Variants in GBF1 observed in about 807,000 individuals in gnomAD.
GBF1 encodes the protein golgi brefeldin A resistant guanine nucleotide exchange factor 1.
GBF1 carries 114 observed loss-of-function variants against 210.5 expected under a neutral mutation model. That is an observed-to-expected ratio of 0.54 (90% CI 0.47 to 0.63). The LOEUF is 0.63. GBF1 is among the 30% of genes least tolerant of loss of function. GBF1 has a pLI of 0.00. For missense variants in GBF1, 1,851 were observed against 2,357.7 expected (o/e 0.79, Z 4.45); for synonymous variants, 850 against 889.2 (o/e 0.96, Z 0.78).
intron 3 of GBF1, among the ~76,000 whole-genome samples, chr10:102,311,945 C>A (rs941257633): frequency 3.3e-5 from 5 of 152,158 alleles, no homozygotes; most frequent in Admixed American, 6.5e-5. Flanking sequence ...TGAGTAGGCC[C>A]CACTTTTAAA....
intron 4 of GBF1, among the ~76,000 whole-genome samples, chr10:102,348,157 G>A (rs1056058634): frequency 2.6e-5 from 4 of 152,024 alleles, no homozygotes; most frequent in Admixed American, 6.6e-5. Flanking sequence ...GGCTGGTCTC[G>A]AACTCCTGAG....
chr10:102,314,862 C>A (rs2078798363), intron 3 of GBF1, among the ~76,000 whole-genome samples: 2 of 152,168 alleles, frequency 1.3e-5, no homozygotes, highest in African/African-American at 4.8e-5. Context: ...TTTAATCAGG[C>A]AAGTCTGACA....
rs2059733010 is a variant in GBF1 at position 102,363,543 on chromosome 10, A to G, written c.2017+147A>G. The G allele has an allele frequency of 2.3e-6, 2 of 870,342 alleles. No individual in the cohort carries two copies. Among genetic ancestry groups the G allele is most frequent in the Non-Finnish European group, 3.7e-6 (2 of 540,902 alleles). 53.9% of individuals were successfully genotyped at this position (870,342 alleles called of 1,614,324 possible). The stretch of plus-strand genomic sequence containing the variant: ...GACTCAGAGAGAGGGAAGCAAACAT[A>G]TGGACCCTCAGTTGATAGGACTTCC... On this transcript the variant is annotated intron_variant, in intron 16 of 39. Transcript: ENST00000369983. The surrounding 1 kb of genome is among the most constrained non-coding windows in gnomAD (Gnocchi z 4.2).
intron 3 of GBF1, among the ~76,000 whole-genome samples, chr10:102,340,923 C>G (rs896232276): frequency 7.9e-5 from 12 of 152,214 alleles, no homozygotes; most frequent in African/African-American, 2.9e-4. Context: ...TCAATTTAGA[C>G]ATTAAACCAA....
At chr10:102,273,699 C>T (rs1157519223) in intron 3 of GBF1, among the ~76,000 whole-genome samples, 2 of 152,280 alleles carry the variant, frequency 1.3e-5, no homozygotes, top group South Asian at 2.1e-4. Flanking sequence ...GATTCTTCAT[C>T]CCTATCAACT....
intron 11 of GBF1, among the ~76,000 whole-genome samples, chr10:102,359,793 T>TC (rs397972340): frequency 1.3e-5 from 2 of 151,058 alleles, no homozygotes; most frequent in Non-Finnish European, 3.0e-5. Context: ...TTTTTTTTTT[T>TC]CCTGTCGCCC....
At chr10:102,336,986 A>G (rs1435028500) in intron 3 of GBF1, among the ~76,000 whole-genome samples, 3 of 152,186 alleles carry the variant, frequency 2.0e-5, no homozygotes, top group South Asian at 2.1e-4. Context: ...TTTTATAACA[A>G]TGTGACAGTA....
At chr10:102,263,607 C>T (rs1388453355) in intron 3 of GBF1, among the ~76,000 whole-genome samples, 6 of 152,110 alleles carry the variant, frequency 3.9e-5, no homozygotes, top group African/African-American at 1.4e-4. Context: ...ACCTACACTA[C>T]TCCTCCAGGA....
At chr10:102,298,228 C>T (rs958453337) in intron 3 of GBF1, among the ~76,000 whole-genome samples, 26 of 151,958 alleles carry the variant, frequency 1.7e-4, no homozygotes, top group African/African-American at 5.3e-4. Flanking sequence ...CCACCATGCC[C>T]GGCCGAAACT....
intron 3 of GBF1, among the ~76,000 whole-genome samples, chr10:102,290,422 A>T (rs114963842): frequency 0.01 from 1,565 of 152,188 alleles, 23 homozygotes; most frequent in African/African-American, 0.036. Context: ...TCCTTTTTAA[A>T]TTTTGATTCA....
At chr10:102,362,033 G>T in intron 14 of GBF1, 121 bp downstream of exon 14, 3 of 442,640 alleles carry the variant, frequency 6.8e-6, no homozygotes, top group Non-Finnish European at 7.8e-6. Flanking sequence ...TAGAAGAAAG[G>T]CATTTTCTTT....
At chr10:102,367,362 G>A in intron 20 of GBF1, 116 bp from the exon 21 acceptor site, 4 of 1,134,552 alleles carry the variant, frequency 3.5e-6, no homozygotes, top group Non-Finnish European at 5.3e-6. Context: ...CTGGGGTGGG[G>A]AAGTGGGTTT....
At chr10:102,249,773 C>T (rs1304661974) in intron 1 of GBF1, among the ~76,000 whole-genome samples, 2 of 151,302 alleles carry the variant, frequency 1.3e-5, no homozygotes, top group Admixed American at 1.3e-4. Context: ...CTCACTGCAA[C>T]CTCCGCCTCC....
chr10:102,259,874 G>A (rs570334237), intron 2 of GBF1, among the ~76,000 whole-genome samples, 176 bp from the exon 3 acceptor site: 73 of 152,230 alleles, frequency 4.8e-4, no homozygotes, highest in Non-Finnish European at 7.9e-4. Context: ...GTATCTCTAC[G>A]AAATAAGAGA....
chr10:102,371,853 C>G (rs2060222914), intron 29 of GBF1, among the ~76,000 whole-genome samples: 1 of 148,700 alleles, frequency 6.7e-6, no homozygotes, highest in Non-Finnish European at 1.5e-5. Context: ...CGCTTGAACT[C>G]AAGGCGGAGG....
Position 102,368,562 on chromosome 10 carries a change from C to A in GBF1, c.2879+108C>A, listed in dbSNP as rs547307152. 2.7e-5 allele frequency: 23 copies of A among 851,000 alleles called. No individual in the cohort carries two copies. In the East Asian group the frequency reaches 5.1e-4, roughly 19 times the overall value. 52.7% of individuals were successfully genotyped at this position (851,000 alleles called of 1,614,324 possible). On this transcript the variant is annotated intron_variant, in intron 22 of 39. Transcript: ENST00000369983. ...CTGTTACTTCATTAGAATGGGGTTC[C>A]CCCTGAGTTTTTGGAGGGAGGCTGA...
chr10:102,256,125 T>G (rs1001448672), intron 1 of GBF1, among the ~76,000 whole-genome samples: 5 of 152,104 alleles, frequency 3.3e-5, no homozygotes, highest in African/African-American at 1.2e-4. Flanking sequence ...TTTGTATTTT[T>G]TATAGAGACA....
chr10:102,293,762 ATGTTTTGTGTTTTT>A (rs1188118308), intron 3 of GBF1, among the ~76,000 whole-genome samples: 2 of 44,572 alleles, frequency 4.5e-5, no homozygotes, highest in Non-Finnish European at 8.3e-5. Flanking sequence ...CAGCTGTAGT[ATGTTTTGTGTTTTT>A]TTTTTTTTTT....
chr10:102,331,593 G>A (rs943821674), intron 3 of GBF1, among the ~76,000 whole-genome samples: 2 of 151,976 alleles, frequency 1.3e-5, no homozygotes, highest in African/African-American at 2.4e-5. Flanking sequence ...GACCAGCCTG[G>A]GCAAGAGAGA....
Sources: gnomAD v4.1 joint callset for allele counts (sites outside exome capture counted in the v4.1 genomes callset) on GRCh38, gnomAD v4.1.1 for gene constraint, Gnocchi (gnomAD v3.1) non-coding constraint, MANE v1.5 for transcripts, NCBI Gene and HGNC (gene_info 2026-07-23, HGNC 2026-07-21) for gene names.